Variants in TSPEAR observed in about 807,000 individuals in gnomAD.
TSPEAR encodes thrombospondin-type laminin G domain and EAR repeat-containing protein.
In TSPEAR, 69 loss-of-function variants were observed where a neutral mutation model predicts 71.6. The observed-to-expected ratio is 0.96, with a 90% CI of 0.79 to 1.18. The LOEUF (loss-of-function observed/expected upper bound fraction) is 1.18, where lower values mean the gene tolerates loss of function less well. TSPEAR is among the 50% of genes most tolerant of loss of function. The pLI is 0.00. For synonymous variants in TSPEAR, 402 were observed against 387.2 expected, an observed-to-expected ratio of 1.04 and a Z score of -0.45; for missense variants, 971 against 894.9, an observed-to-expected ratio of 1.09 and a Z score of -1.09.
At chr21:44,691,175 CAT>C (rs1466139593) in intron 1 of TSPEAR, among the ~76,000 whole-genome samples, 2 of 152,020 alleles carry the variant, frequency 1.3e-5, no homozygotes, top group Admixed American at 6.6e-5. Flanking sequence ...CTCCTAAGAA[CAT>C]GATTTTACAA....
At chr21:44,636,346 C>T (rs1449733479) in intron 1 of TSPEAR, among the ~76,000 whole-genome samples, 3 of 152,188 alleles carry the variant, frequency 2.0e-5, no homozygotes, top group African/African-American at 7.2e-5. Flanking sequence ...TGCTGGCTGA[C>T]GGGCTTCCTT....
chr21:44,677,244 G>A (rs1044686908), intron 1 of TSPEAR: 5 of 717,582 alleles, frequency 7.0e-6, no homozygotes, highest in Admixed American at 4.1e-5. Context: ...TTTGAGAAGG[G>A]CATTGGCAGC....
At chr21:44,592,820 C>T (rs1248269093) in intron 1 of TSPEAR, among the ~76,000 whole-genome samples, 2 of 152,180 alleles carry the variant, frequency 1.3e-5, no homozygotes, top group Non-Finnish European at 2.9e-5. Context: ...ACACAGAGTC[C>T]CTCTGCAGGA....
intron 1 of TSPEAR, among the ~76,000 whole-genome samples, chr21:44,706,288 G>T (rs36023602): frequency 2.0e-5 from 3 of 152,200 alleles, no homozygotes; most frequent in Admixed American, 6.5e-5. Context: ...CTTCCGCGCA[G>T]CTGTGTGTAC....
chr21:44,579,964 A>G lies in TSPEAR; in HGVS notation c.83-11959T>C, dbSNP rs183168612. The G allele has an allele frequency of 8.2e-4, 1,325 of 1,613,628 alleles. 5 individuals carry two copies. Among genetic ancestry groups the G allele is most frequent in the African/African-American group, 6.3e-3 (470 of 74,904 alleles). On this transcript the variant is annotated intron_variant, in intron 1 of 11. Coordinates refer to ENST00000323084, the MANE Select transcript of TSPEAR (RefSeq NM_144991.3). The stretch of plus-strand genomic sequence containing the variant: ...AGGAGGTGGTGCAGCAAGCCGGCTG[A>G]CAGCTAGACTGCTGGCAGCATGAAG...
At chr21:44,631,306 T>C (rs180878752) in intron 1 of TSPEAR, among the ~76,000 whole-genome samples, 8 of 152,168 alleles carry the variant, frequency 5.3e-5, no homozygotes, top group Admixed American at 5.2e-4. Flanking sequence ...TTGAAAAGTA[T>C]AATAACTGAT....
At chr21:44,511,675 C>T (rs1464016216) in intron 9 of TSPEAR, among the ~76,000 whole-genome samples, 1 of 152,284 alleles carries the variant, frequency 6.6e-6, no homozygotes, top group East Asian at 1.9e-4. Context: ...CACACGCCTC[C>T]AGCCCTGGGC....
intron 11 of TSPEAR, among the ~76,000 whole-genome samples, chr21:44,503,644 G>T (rs587641330): frequency 7.2e-5 from 10 of 139,566 alleles, no homozygotes; most frequent in Non-Finnish European, 1.4e-4. Context: ...TGAGCCCTTG[G>T]GGGGAAGCCG....
intron 1 of TSPEAR, chr21:44,647,742 AC>A: frequency 3.6e-6 from 1 of 278,078 alleles, no homozygotes; most frequent in Non-Finnish European, 7.1e-6. Context: ...TTAAAGGCAG[AC>A]AGGACAGTGT....
At chr21:44,606,434 T>C (rs748998835) in intron 1 of TSPEAR, among the ~76,000 whole-genome samples, 1 of 152,160 alleles carries the variant, frequency 6.6e-6, no homozygotes. Context: ...GAATCTAAAT[T>C]AGTACAACCA....
At position 44,624,004 on chromosome 21, in the gene TSPEAR, AT is replaced by A. The variant is rs1467378024; in HGVS notation, c.83-56000del. Reference sequence around the variant, plus strand: ...AACCTTCAAATATTTTACTACCCTTATTTTACTCATCTCCTCCTATGATTTC... The same window carrying A: ...AACCTTCAAATATTTTACTACCCTTATTTACTCATCTCCTCCTATGATTTC... On this transcript the variant is annotated intron_variant, in intron 1 of 11. Transcript: ENST00000323084. 1.4e-4 allele frequency among the ~76,000 whole-genome samples: 22 copies of A among 152,232 alleles called. 1 individual carries two copies. The highest frequency in any genetic ancestry group is 5.3e-4 in the African/African-American group (22 of 41,528).
intron 1 of TSPEAR, chr21:44,667,050 G>T: frequency 1.2e-6 from 1 of 803,918 alleles, no homozygotes; most frequent in East Asian, 2.7e-5. Context: ...TTAATTTTCT[G>T]TTGTAGGTGT....
chr21:44,693,362 C>G (rs1416895840), intron 1 of TSPEAR, among the ~76,000 whole-genome samples: 1 of 152,096 alleles, frequency 6.6e-6, no homozygotes, highest in African/African-American at 2.4e-5. Context: ...AATTGGACTT[C>G]ATCAAAATTT....
In TSPEAR at chr21:44,579,638, G is replaced by A. The variant is rs180763058; in HGVS notation, c.83-11633C>T. On this transcript the variant is annotated intron_variant, in intron 1 of 11. Coordinates refer to ENST00000323084, the MANE Select transcript of TSPEAR (RefSeq NM_144991.3). ...ATGGAGATTCCTGGGAGTATGGAGG[G>A]GGGGGTCACCTCAGCACATGGGGGC... The A allele has an allele frequency of 4.7e-5, 56 of 1,198,170 alleles. No individual in the cohort carries two copies. In the African/African-American group the frequency reaches 6.7e-4, roughly 14 times the overall value. 74.2% of individuals were successfully genotyped at this position (1,198,170 alleles called of 1,614,324 possible). A position where few individuals can be genotyped will look rare whatever the true frequency, so the allele number is the denominator to read the frequency against.
chr21:44,655,552 G>A (rs1555942439), intron 1 of TSPEAR, among the ~76,000 whole-genome samples: 1 of 152,202 alleles, frequency 6.6e-6, no homozygotes, highest in East Asian at 1.9e-4. Flanking sequence ...CCATCACGGA[G>A]TCGGGCATGA....
At chr21:44,659,051 C>G (rs1288151655) in intron 1 of TSPEAR, among the ~76,000 whole-genome samples, 1 of 152,168 alleles carries the variant, frequency 6.6e-6, no homozygotes. Context: ...CGAAGAAAGT[C>G]TCATTCTCCA....
At chr21:44,584,278 A>G (rs1231288898) in intron 1 of TSPEAR, among the ~76,000 whole-genome samples, 3 of 152,074 alleles carry the variant, frequency 2.0e-5, no homozygotes, top group African/African-American at 7.2e-5. Context: ...CCTCCTTTCT[A>G]TGGCTGAATC....
Position 44,634,992 on chromosome 21 carries a change from A to T in TSPEAR, c.83-66987T>A, listed in dbSNP as rs191175183. ...AATTCCATACAACTCATCAGTTCCCACTCCTAGGTATATACCCAACAGAAT... is the reference window on the plus strand; with the variant it reads ...AATTCCATACAACTCATCAGTTCCCTCTCCTAGGTATATACCCAACAGAAT... On this transcript the variant is annotated intron_variant, in intron 1 of 11. Transcript: ENST00000323084. Among the ~76,000 whole-genome samples, 95 of 152,224 alleles carry T rather than the reference A, an allele frequency of 6.2e-4. 1 individual carries two copies. Among genetic ancestry groups the T allele is most frequent in the African/African-American group, 2.1e-3 (88 of 41,540 alleles).
chr21:44,578,080 A>C (rs1035502888), intron 1 of TSPEAR, among the ~76,000 whole-genome samples: 1 of 152,154 alleles, frequency 6.6e-6, no homozygotes, highest in African/African-American at 2.4e-5. Flanking sequence ...CATGATTGTG[A>C]GGCCTCCTCA....
Sources: gnomAD v4.1 joint callset for allele counts (sites outside exome capture counted in the v4.1 genomes callset) on GRCh38, gnomAD v4.1.1 for gene constraint, MANE v1.5 for transcripts, NCBI Gene and HGNC (gene_info 2026-07-23, HGNC 2026-07-21) for gene names.